The following DOCK7 variants were observed in gnomAD, a reference collection of about 807,000 sequenced individuals.
DOCK7 encodes dedicator of cytokinesis 7.
DOCK7 carries 138 observed loss-of-function variants against 271.0 expected under a neutral mutation model. The observed-to-expected ratio is 0.51, with a 90% confidence interval of 0.44 to 0.59. The LOEUF is 0.59. Ranked by LOEUF, DOCK7 falls within the 20% of genes least tolerant of loss-of-function variation. The pLI is 0.00. For synonymous variants in DOCK7, 823 were observed against 876.1 expected (o/e 0.94, Z 1.07); for missense variants, 2,066 against 2,592.4 (o/e 0.80, Z 4.41).
At chr1:62,504,570 C>A in intron 37 of DOCK7, 60 bp downstream of exon 37, 1 of 1,526,918 alleles carries the variant, frequency 6.5e-7, no homozygotes, top group Admixed American at 2.1e-5. Context: ...GATTTAATAA[C>A]TATCAGCAGA....
chr1:62,651,713 ATGTATGTAAG>A (rs1321462943), intron 4 of DOCK7, among the ~76,000 whole-genome samples: 1 of 152,176 alleles, frequency 6.6e-6, no homozygotes, highest in East Asian at 2.0e-4. Context: ...CATTATTCTC[ATGTATGTAAG>A]TGTATTCTTT....
At chr1:62,641,760 T>C (rs991046112) in intron 7 of DOCK7, 4 of 306,588 alleles carry the variant, frequency 1.3e-5, no homozygotes, top group African/African-American at 2.2e-5. Flanking sequence ...TTGGGTGTGT[T>C]TTCACATTTG....
At chr1:62,573,291 T>C (rs1036486016) in intron 18 of DOCK7, among the ~76,000 whole-genome samples, 31 of 152,212 alleles carry the variant, frequency 2.0e-4, no homozygotes, top group African/African-American at 7.5e-4. Context: ...AGGGATGTAG[T>C]AATGATTGTA....
intron 23 of DOCK7, 104 bp from the exon 24 acceptor site, chr1:62,543,849 G>T: frequency 1.3e-6 from 1 of 763,390 alleles, no homozygotes; most frequent in East Asian, 2.8e-5. Flanking sequence ...GTTTTATTAT[G>T]GTTTCAAAAA....
chr1:62,604,100 G>A (rs373750583), intron 14 of DOCK7: 16 of 1,613,162 alleles, frequency 9.9e-6, no homozygotes, highest in South Asian at 6.6e-5. Flanking sequence ...GGGAAATCAC[G>A]AAACCAACTA....
At chr1:62,543,997 G>A (rs905083019) in intron 23 of DOCK7, among the ~76,000 whole-genome samples, 3 of 151,988 alleles carry the variant, frequency 2.0e-5, no homozygotes, top group Admixed American at 1.3e-4. Context: ...ATAATATTCA[G>A]AGTGTTGCAA....
chr1:62,504,790 A>G lies in DOCK7; in HGVS notation c.4612-8T>C, dbSNP rs760349219. On this transcript the variant is annotated splice_polypyrimidine_tract_variant and splice_region_variant and intron_variant, in intron 36 of 49. Transcript: ENST00000635253. ...AAATAAGAGTTCAGGAAACTGTAAA[A>G]CAACAAAACAAACCACCACTGAATT... 6.2e-7 allele frequency: 1 copy of G among 1,608,824 alleles called. No homozygotes were observed. Among genetic ancestry groups the G allele is most frequent in the South Asian group, 1.1e-5 (1 of 89,602 alleles).
chr1:62,652,589 T>C (rs1657523392), intron 4 of DOCK7, among the ~76,000 whole-genome samples: 1 of 152,128 alleles, frequency 6.6e-6, no homozygotes. Context: ...CCCATAAATG[T>C]TAATTCTCTT....
At chr1:62,521,260 A>T (rs542957798) in intron 31 of DOCK7, among the ~76,000 whole-genome samples, 18 of 152,316 alleles carry the variant, frequency 1.2e-4, no homozygotes, top group African/African-American at 4.3e-4. Flanking sequence ...ATTTAAAAAA[A>T]GGGAAAAAAA....
intron 18 of DOCK7, 84 bp from the exon 19 acceptor site, chr1:62,561,787 G>T: frequency 1.4e-6 from 1 of 709,182 alleles, no homozygotes; most frequent in African/African-American, 1.9e-5. Flanking sequence ...ATATCCCAAT[G>T]AGAAAAATAT....
chr1:62,474,049 G>A lies in DOCK7; in HGVS notation c.6145C>T (p.Pro2049Ser). 2 of 1,613,912 alleles carry A rather than the reference G, an allele frequency of 1.2e-6. No individual in the cohort carries two copies. The highest frequency in any genetic ancestry group is 8.5e-7 in the Non-Finnish European group (1 of 1,179,890). Reference protein sequence around the residue: ...EVAQVFLSEIPSDPKLFRHHN... With the variant: ...EVAQVFLSEISSDPKLFRHHN... ...TGTCTGAAGAGCTTTGGGTCACTAG[G>A]TATTTCAGACAGAAAAACCTGGGCA... The change falls in exon 48 of 50, where the codon CCT (proline) becomes TCT (serine). Residue 2049 changes from proline (P) to serine (S), a missense_variant. Pro to Ser is a moderately conservative substitution (Grantham distance 74, BLOSUM62 -1). Coordinates refer to ENST00000635253, the MANE Select transcript of DOCK7 (RefSeq NM_001367561.1).
chr1:62,682,876 A>G (rs1377422149), intron 1 of DOCK7, among the ~76,000 whole-genome samples: 1 of 152,214 alleles, frequency 6.6e-6, no homozygotes, highest in African/African-American at 2.4e-5. Context: ...TAGAACAGGG[A>G]AAGTTGTGGG....
intron 18 of DOCK7, among the ~76,000 whole-genome samples, chr1:62,568,456 A>G (rs1646600950): frequency 8.6e-6 from 1 of 116,036 alleles, no homozygotes; most frequent in Non-Finnish European, 1.7e-5. Context: ...ACGTGCCACC[A>G]TGCCAGGCTA....
At chr1:62,579,040 T>C (rs1647029886) in intron 16 of DOCK7, 74 bp from the exon 17 acceptor site, 6 of 1,303,554 alleles carry the variant, frequency 4.6e-6, no homozygotes, top group East Asian at 6.0e-5. Flanking sequence ...TATATTTGAA[T>C]AATTTTAAAA....
chr1:62,531,711 A>G (rs1353297967), intron 29 of DOCK7, among the ~76,000 whole-genome samples: 1 of 152,212 alleles, frequency 6.6e-6, no homozygotes, highest in African/African-American at 2.4e-5. Flanking sequence ...TAAAAGACAA[A>G]CATTCCTCTC....
chr1:62,468,562 G>A (rs1645745713), intron 48 of DOCK7, among the ~76,000 whole-genome samples: 1 of 152,092 alleles, frequency 6.6e-6, no homozygotes, highest in Admixed American at 6.6e-5. Flanking sequence ...GTCCTAGCCA[G>A]AGCAATCAGA....
intron 1 of DOCK7, among the ~76,000 whole-genome samples, chr1:62,664,716 T>G (rs1659073267): frequency 6.6e-6 from 1 of 151,786 alleles, no homozygotes; most frequent in Non-Finnish European, 1.5e-5. Flanking sequence ...TATAAGAACT[T>G]TCTATACTTT....
At chr1:62,686,622 C>T (rs1264884938) in intron 1 of DOCK7, among the ~76,000 whole-genome samples, 1 of 152,086 alleles carries the variant, frequency 6.6e-6, no homozygotes, top group Non-Finnish European at 1.5e-5. Context: ...GTAGTATAGG[C>T]CCTGTACTAT....
Position 62,610,777 on chromosome 1 carries a change from A to G in DOCK7, c.1682+7929T>C, listed in dbSNP as rs565519151. Among the ~76,000 whole-genome samples, 6 of 152,204 alleles carry G rather than the reference A, an allele frequency of 3.9e-5. No homozygotes were observed. The South Asian group carries it at 8.3e-4, about 21-fold the overall frequency. ...GGTTTCCAGCTTCATCCATGTCCCTACAAAGGACATGAACTCATCCTTTTT... is the reference window on the plus strand; with the variant it reads ...GGTTTCCAGCTTCATCCATGTCCCTGCAAAGGACATGAACTCATCCTTTTT... On this transcript the variant is annotated intron_variant, in intron 14 of 49. Coordinates refer to ENST00000635253, the MANE Select transcript of DOCK7 (RefSeq NM_001367561.1).
Sources: gnomAD v4.1 joint callset for allele counts (sites outside exome capture counted in the v4.1 genomes callset) on GRCh38, gnomAD v4.1.1 for gene constraint, MANE v1.5 for transcripts, NCBI Gene and HGNC (gene_info 2026-07-23, HGNC 2026-07-21) for gene names.